INPP4B: variants seen among roughly 807,000 people sequenced by gnomAD.
The protein encoded by INPP4B is inositol polyphosphate-4-phosphatase type II B, also known as inositol polyphosphate 4-phosphatase type II.
In INPP4B, 55 loss-of-function variants were observed where a neutral mutation model predicts 122.5. That is an observed-to-expected ratio of 0.45 (90% CI 0.36 to 0.56). The LOEUF is 0.56. Ranked by LOEUF, INPP4B falls within the 20% of genes least tolerant of loss-of-function variation. The pLI is 0.00. For missense variants in INPP4B, 1,000 were observed against 1,097.7 expected (o/e 0.91, Z 1.26); for synonymous variants, 403 against 388.7 (o/e 1.04, Z -0.43).
chr4:142,093,947 A>G (rs988903604), intron 23 of INPP4B, among the ~76,000 whole-genome samples: 11 of 152,240 alleles, frequency 7.2e-5, no homozygotes, highest in African/African-American at 2.4e-4. Flanking sequence ...GCAATATATT[A>G]AAAATTCTTC....
chr4:142,263,680 A>ATATATATATATATATATATATATATATG (rs61694410), intron 10 of INPP4B, among the ~76,000 whole-genome samples: 3 of 81,948 alleles, frequency 3.7e-5, no homozygotes, highest in Non-Finnish European at 7.6e-5. Flanking sequence ...ATATATATAT[A>ATATATATATATATATATATATATATATG]ACATTGAACA....
At chr4:142,654,367 T>TAAAAAAAAAAAA (rs10677341) in intron 2 of INPP4B, 37 of 100,974 alleles carry the variant, frequency 3.7e-4, no homozygotes, top group African/African-American at 8.1e-4. Flanking sequence ...ACTTAAAGTA[T>TAAAAAAAAAAAA]AAAAAAAAAA....
intron 1 of INPP4B, among the ~76,000 whole-genome samples, chr4:142,755,238 C>A (rs1770341467): frequency 6.6e-6 from 1 of 152,016 alleles, no homozygotes; most frequent in Non-Finnish European, 1.5e-5. Flanking sequence ...TTGAGTGATT[C>A]ACAGTGCATG....
chr4:142,250,787 C>T (rs1731591671), intron 11 of INPP4B, among the ~76,000 whole-genome samples: 1 of 152,040 alleles, frequency 6.6e-6, no homozygotes, highest in Admixed American at 6.6e-5. Flanking sequence ...GGGTGGTCCT[C>T]CAGGCTGACT....
At chr4:142,209,256 A>T (rs925834531) in intron 12 of INPP4B, among the ~76,000 whole-genome samples, 22 of 152,320 alleles carry the variant, frequency 1.4e-4, no homozygotes, top group African/African-American at 5.3e-4. Context: ...AAAATTAGAA[A>T]TGTTAAATTC....
At chr4:142,426,930 C>A (rs1808212906) in intron 5 of INPP4B, 1 of 151,860 alleles carries the variant, frequency 6.6e-6, no homozygotes, top group Admixed American at 6.6e-5. Context: ...TACTGAATTT[C>A]TTTTTCCTAG....
chr4:142,302,025 T>C (rs1379280257), intron 9 of INPP4B, among the ~76,000 whole-genome samples: 1 of 152,138 alleles, frequency 6.6e-6, no homozygotes, highest in East Asian at 1.9e-4. Context: ...AAGTTCTGCT[T>C]AACTGGTCTC....
chr4:142,105,633 C>G (rs1404890171), intron 23 of INPP4B, among the ~76,000 whole-genome samples: 2 of 152,070 alleles, frequency 1.3e-5, no homozygotes, highest in Non-Finnish European at 2.9e-5. Flanking sequence ...TTAAGAAAAT[C>G]TTTGGAGAAG....
chr4:142,843,511 T>C (rs1783817402), intron 1 of INPP4B, among the ~76,000 whole-genome samples: 2 of 152,068 alleles, frequency 1.3e-5, no homozygotes, highest in African/African-American at 4.8e-5. Flanking sequence ...TTGAGATTAT[T>C]TAAAACAGGG....
Position 142,109,348 on chromosome 4 carries a change from CATACATTGCACCATGCAATAA to C in INPP4B, c.2277-1179_2277-1159del, listed in dbSNP as rs1168959235. Among the ~76,000 whole-genome samples the C allele has an allele frequency of 3.3e-5, 5 of 152,222 alleles. No homozygotes were observed. In the East Asian group the frequency reaches 9.7e-4, roughly 29 times the overall value. The stretch of plus-strand genomic sequence containing the variant: ...AAAATATTTAACATCAACTACATAC[CATACATTGCACCATGCAATAA>C]ATGAAATGTTGGAAAAATTAATCTA... On this transcript the variant is annotated intron_variant, in intron 22 of 25. Transcript: ENST00000262992.
At chr4:142,212,212 C>A (rs574034514) in intron 12 of INPP4B, among the ~76,000 whole-genome samples, 1 of 152,192 alleles carries the variant, frequency 6.6e-6, no homozygotes, top group South Asian at 2.1e-4. Flanking sequence ...AGTTTAAGTA[C>A]AGTCCTTTAG....
At chr4:142,642,845 A>G (rs1750836880) in intron 2 of INPP4B, among the ~76,000 whole-genome samples, 1 of 152,174 alleles carries the variant, frequency 6.6e-6, no homozygotes, top group African/African-American at 2.4e-5. Flanking sequence ...TTGAATCTAT[A>G]AATTACCTTG....
At chr4:142,102,823 A>T (rs1785140854) in intron 23 of INPP4B, among the ~76,000 whole-genome samples, 1 of 152,040 alleles carries the variant, frequency 6.6e-6, no homozygotes, top group South Asian at 2.1e-4. Context: ...AGAACCTCTC[A>T]GCAGGATCAA....
intron 2 of INPP4B, among the ~76,000 whole-genome samples, chr4:142,640,183 C>T (rs1160013751): frequency 2.6e-5 from 4 of 151,824 alleles, no homozygotes; most frequent in African/African-American, 9.7e-5. Flanking sequence ...AACAGATATT[C>T]CAATGGTACC....
intron 24 of INPP4B, 69 bp downstream of exon 24, chr4:142,086,075 A>G: frequency 9.6e-7 from 1 of 1,037,786 alleles, no homozygotes; most frequent in Non-Finnish European, 1.5e-6. Context: ...GACCCTGCAC[A>G]GTAGAGAACT....
intron 11 of INPP4B, among the ~76,000 whole-genome samples, chr4:142,258,160 C>T (rs1737474522): frequency 2.0e-5 from 3 of 152,102 alleles, no homozygotes; most frequent in South Asian, 4.1e-4. Context: ...ATGTAGAAAG[C>T]TGAAACTGGA....
At chr4:142,375,790 T>G (rs1349000217) in intron 7 of INPP4B, among the ~76,000 whole-genome samples, 1 of 151,928 alleles carries the variant, frequency 6.6e-6, no homozygotes, top group South Asian at 2.1e-4. Context: ...ATGATTAGCA[T>G]GGTAAAGTGG....
At chr4:142,567,924 A>G (rs77966445) in intron 2 of INPP4B, among the ~76,000 whole-genome samples, 2,102 of 152,266 alleles carry the variant, frequency 0.014, 42 homozygotes, top group African/African-American at 0.048. Flanking sequence ...AAATTTACCT[A>G]AGACATTGCT....
chr4:142,672,559 T>C (rs1226169014), intron 2 of INPP4B, among the ~76,000 whole-genome samples: 2 of 152,174 alleles, frequency 1.3e-5, no homozygotes, highest in Non-Finnish European at 2.9e-5. Context: ...TATATCTCCT[T>C]TGGCAAAGTG....
Sources: gnomAD v4.1 joint callset for allele counts (sites outside exome capture counted in the v4.1 genomes callset) on GRCh38, gnomAD v4.1.1 for gene constraint, MANE v1.5 for transcripts, NCBI Gene and HGNC (gene_info 2026-07-23, HGNC 2026-07-21) for gene names.